Variants in SKAP1 observed in about 807,000 individuals in gnomAD.
SKAP1 encodes the protein src kinase associated phosphoprotein 1.
A neutral mutation model predicts 58.5 loss-of-function variants in SKAP1; 44 were observed. That is an observed-to-expected ratio of 0.75 (90% confidence interval 0.59 to 0.97). The LOEUF (loss-of-function observed/expected upper bound fraction) is 0.97, where lower values mean the gene tolerates loss of function less well. Among genes scored for constraint, SKAP1 ranks in the 50% least tolerant of loss-of-function variants. The probability of loss-of-function intolerance (pLI) is 0.00; values close to 1 mark genes in which losing one functional copy is unlikely to be tolerated. For synonymous variants in SKAP1, 127 were observed against 149.7 expected (o/e 0.85, Z 1.11); for missense variants, 390 against 435.2 (o/e 0.90, Z 0.92).
chr17:48,180,321 AAGG>A, intron 8 of SKAP1, 73 bp from the exon 9 acceptor site: 3 of 1,173,204 alleles, frequency 2.6e-6, no homozygotes, highest in Non-Finnish European at 3.5e-6. Context: ...AAAGAGGGAG[AAGG>A]AGGAGGAGGG....
chr17:48,282,855 T>G (rs2065785104), intron 4 of SKAP1, among the ~76,000 whole-genome samples: 1 of 152,100 alleles, frequency 6.6e-6, no homozygotes, highest in Non-Finnish European at 1.5e-5. Flanking sequence ...TGTGCTCCTC[T>G]GATAAATGCA....
chr17:48,256,388 A>C (rs113808182), intron 4 of SKAP1, among the ~76,000 whole-genome samples: 279 of 152,258 alleles, frequency 1.8e-3, no homozygotes, highest in African/African-American at 6.4e-3. Flanking sequence ...GAAATATTTA[A>C]AGGTGAAAGT....
intron 3 of SKAP1, among the ~76,000 whole-genome samples, chr17:48,349,939 G>GC (rs1396387213): frequency 2.0e-5 from 3 of 152,132 alleles, no homozygotes; most frequent in Non-Finnish European, 4.4e-5. Flanking sequence ...CTAGAAGTTG[G>GC]CTTTTTCTGC....
In SKAP1 at chr17:48,168,659, AAAAC is replaced by A. The variant is rs983718399; in HGVS notation, c.877+1946_877+1949del. On this transcript the variant is annotated intron_variant, in intron 10 of 12. Transcript: ENST00000336915. ...ACAACAGAGCGAGACTTCATCTCAA[AAAAC>A]AAACAAACAAACAAAAAAACACACA... Among the ~76,000 whole-genome samples, 170 of 152,252 alleles carry A rather than the reference AAAAC, an allele frequency of 1.1e-3. 2 individuals carry two copies. The highest frequency in any genetic ancestry group is 4.0e-3 in the African/African-American group (165 of 41,564).
intron 4 of SKAP1, among the ~76,000 whole-genome samples, chr17:48,266,696 G>C (rs2065555290): frequency 2.6e-5 from 4 of 151,904 alleles, no homozygotes; most frequent in Admixed American, 2.6e-4. Context: ...ATTTTTAGTA[G>C]AGACAGGGTT....
rs113527258 is a variant in SKAP1 at position 48,301,120 on chromosome 17, C to T, written c.280+44785G>A. Among the ~76,000 whole-genome samples the T allele has an allele frequency of 4.0e-3, 606 of 152,252 alleles. 8 individuals carry two copies. The highest frequency in any genetic ancestry group is 0.014 in the African/African-American group (580 of 41,548). On this transcript the variant is annotated intron_variant, in intron 4 of 12. Transcript: ENST00000336915. ...CAAAATAACCAAAAAGCTCCTCTCT[C>T]CTCCTACCATTTATCCCTTTCATTC...
intron 9 of SKAP1, among the ~76,000 whole-genome samples, chr17:48,179,257 T>C (rs993085889): frequency 6.6e-6 from 1 of 152,196 alleles, no homozygotes; most frequent in Non-Finnish European, 1.5e-5. Context: ...ATGATCTTTC[T>C]GAATGGACTT....
At chr17:48,246,593 T>G (rs1281748929) in intron 4 of SKAP1, among the ~76,000 whole-genome samples, 1 of 152,378 alleles carries the variant, frequency 6.6e-6, no homozygotes, top group Admixed American at 6.5e-5. Flanking sequence ...AGAGACTAAA[T>G]GATCTAATTT....
chr17:48,199,109 G>A (rs951614295), intron 4 of SKAP1, among the ~76,000 whole-genome samples: 1 of 152,114 alleles, frequency 6.6e-6, no homozygotes. Flanking sequence ...ACTGTGATAA[G>A]AGCACAGAGA....
intron 9 of SKAP1, among the ~76,000 whole-genome samples, 163 bp downstream of exon 9, chr17:48,179,891 C>T (rs140633923): frequency 6.6e-6 from 1 of 152,336 alleles, no homozygotes; most frequent in African/African-American, 2.4e-5. Context: ...GGCAGAGCCT[C>T]ATTACCCACT....
intron 1 of SKAP1, among the ~76,000 whole-genome samples, chr17:48,429,634 C>A (rs575034095): frequency 2.6e-5 from 4 of 152,236 alleles, no homozygotes; most frequent in African/African-American, 7.2e-5. Context: ...CCCCTCGCAG[C>A]CCCCTGGAGA....
Position 48,403,199 on chromosome 17 carries a change from C to CAAA in SKAP1, c.47-6417_47-6415dup, listed in dbSNP as rs34653121. Among the ~76,000 whole-genome samples the CAAA allele has an allele frequency of 2.5e-4, 22 of 89,388 alleles. 1 individual carries two copies. The highest frequency in any genetic ancestry group is 1.1e-3 in the South Asian group (3 of 2,658). 58.6% of individuals were successfully genotyped at this position (89,388 alleles called of 152,430 possible). ...GGCAAAAATCAAGACCCTGTCTCTA[C>CAAA]AAAAAAAAAAAAAAAAAGTTTTTAA... On this transcript the variant is annotated intron_variant, in intron 1 of 12. Transcript: ENST00000336915.
chr17:48,197,257 CA>C (rs35979686), intron 4 of SKAP1, among the ~76,000 whole-genome samples: 5,967 of 97,404 alleles, frequency 0.061, 191 homozygotes, highest in African/African-American at 0.17. Flanking sequence ...GACTCCGACT[CA>C]AAAAAAAAAA....
rs921817516 is a variant in SKAP1 at position 48,327,073 on chromosome 17, T to C, written c.280+18832A>G. On this transcript the variant is annotated intron_variant, in intron 4 of 12. Transcript: ENST00000336915. ...GCCTTGCTAATTTTTGTATTTTTAG[T>C]AGAGACGGGGTTTTGCCATGTTGGC... Among the ~76,000 whole-genome samples, 13 of 152,200 alleles carry C rather than the reference T, an allele frequency of 8.5e-5. No homozygotes were observed. The South Asian group carries it at 2.7e-3, about 32-fold the overall frequency.
chr17:48,241,021 G>A (rs772617175), intron 4 of SKAP1, among the ~76,000 whole-genome samples: 10 of 152,006 alleles, frequency 6.6e-5, no homozygotes, highest in African/African-American at 9.7e-5. Flanking sequence ...ATAAATGTGA[G>A]GCCATGAGAC....
chr17:48,429,554 G>C (rs187741532), intron 1 of SKAP1, among the ~76,000 whole-genome samples: 1 of 152,318 alleles, frequency 6.6e-6, no homozygotes, highest in East Asian at 1.9e-4. Context: ...GATAAAGGGA[G>C]GGCTGGGGTT....
At chr17:48,170,316 T>C (rs1458949504) in intron 10 of SKAP1, among the ~76,000 whole-genome samples, 1 of 152,248 alleles carries the variant, frequency 6.6e-6, no homozygotes, top group Non-Finnish European at 1.5e-5. Flanking sequence ...ATTTTCACTG[T>C]ACTGATATAA....
chr17:48,220,873 AAAAAG>A (rs2064996937), intron 4 of SKAP1, among the ~76,000 whole-genome samples: 17 of 91,704 alleles, frequency 1.9e-4, no homozygotes, highest in African/African-American at 5.9e-4. Flanking sequence ...AAAAAAAAAA[AAAAAG>A]AAAAGAAAAA....
At chr17:48,147,202 C>A (rs1424980711) in intron 11 of SKAP1, among the ~76,000 whole-genome samples, 3 of 152,128 alleles carry the variant, frequency 2.0e-5, no homozygotes, top group Non-Finnish European at 4.4e-5. Context: ...AGTCTATCAG[C>A]CCCTAACCCG....
Sources: gnomAD v4.1 joint callset for allele counts (sites outside exome capture counted in the v4.1 genomes callset) on GRCh38, gnomAD v4.1.1 for gene constraint, MANE v1.5 for transcripts, NCBI Gene and HGNC (gene_info 2026-07-23, HGNC 2026-07-21) for gene names.